Variants in DST observed in about 807,000 individuals in gnomAD.
DST encodes the protein dystonin, also known as bullous pemphigoid antigen.
A neutral mutation model predicts 875.2 loss-of-function variants in DST; 253 were observed. The observed-to-expected ratio is 0.29, with a 90% CI of 0.26 to 0.32. The LOEUF (loss-of-function observed/expected upper bound fraction) is 0.32, where lower values mean the gene tolerates loss of function less well. DST is among the 10% of genes least tolerant of loss of function. The pLI is 1.00. For synonymous variants in DST, 3,124 were observed against 3,197.1 expected (o/e 0.98, Z 0.77); for missense variants, 8,287 against 9,111.6 (o/e 0.91, Z 3.68).
At chr6:56,580,594 A>T (rs1400456908) in intron 49 of DST, among the ~76,000 whole-genome samples, 1 of 151,490 alleles carries the variant, frequency 6.6e-6, no homozygotes, top group African/African-American at 2.4e-5. Context: ...ATTTAAAAAA[A>T]TAAATTTCAT....
At chr6:56,916,474 G>A (rs1349817826) in intron 2 of DST, among the ~76,000 whole-genome samples, 1 of 152,134 alleles carries the variant, frequency 6.6e-6, no homozygotes, top group Non-Finnish European at 1.5e-5. Flanking sequence ...TTCAAGACCT[G>A]GGTGCAGTGG....
intron 3 of DST, chr6:56,851,848 A>G: frequency 6.4e-7 from 1 of 1,551,694 alleles, no homozygotes. Context: ...TCAATACATG[A>G]AGATTTGCAC....
chr6:56,751,589 G>T (rs2099587379), intron 4 of DST, among the ~76,000 whole-genome samples: 1 of 152,078 alleles, frequency 6.6e-6, no homozygotes, highest in Non-Finnish European at 1.5e-5. Context: ...GCAATCCCAG[G>T]TTCAGGCAGC....
intron 69 of DST, among the ~76,000 whole-genome samples, chr6:56,522,547 C>T (rs946575679): frequency 6.6e-6 from 1 of 152,146 alleles, no homozygotes; most frequent in Admixed American, 6.6e-5. Flanking sequence ...TTCCCATCCA[C>T]AACACCTGGA....
intron 3 of DST, among the ~76,000 whole-genome samples, chr6:56,893,378 C>T (rs1463118642): frequency 2.6e-5 from 4 of 151,980 alleles, no homozygotes; most frequent in South Asian, 4.2e-4. Context: ...ATAGATACAC[C>T]ACAGTTTCTT....
intron 85 of DST, among the ~76,000 whole-genome samples, chr6:56,490,557 C>G (rs974232466): frequency 2.0e-5 from 3 of 152,098 alleles, no homozygotes; most frequent in African/African-American, 7.2e-5. Flanking sequence ...CTCTGGAGAT[C>G]ATCTCATTAC....
At chr6:56,488,195 G>A (rs114466635) in intron 86 of DST, among the ~76,000 whole-genome samples, 5,372 of 152,140 alleles carry the variant, frequency 0.035, 290 homozygotes, top group African/African-American at 0.12. Flanking sequence ...GGTATTGACA[G>A]AGATTTTCTT....
At chr6:56,524,602 CTG>C (rs921573844) in intron 69 of DST, among the ~76,000 whole-genome samples, 13 of 152,172 alleles carry the variant, frequency 8.5e-5, no homozygotes, top group African/African-American at 3.1e-4. Flanking sequence ...CTCTAAACAT[CTG>C]TGTGTCTATG....
At chr6:56,615,414 A>G in intron 36 of DST, 1 of 1,573,960 alleles carries the variant, frequency 6.4e-7, no homozygotes, top group Non-Finnish European at 8.6e-7. Flanking sequence ...AGAGTATGTT[A>G]CATAATTCAC....
intron 98 of DST, chr6:56,467,188 C>T (rs1381996784): frequency 1.3e-5 from 2 of 152,152 alleles, no homozygotes; most frequent in African/African-American, 2.4e-5. Flanking sequence ...GTCAATTAAA[C>T]ATAAATGGCT....
chr6:56,826,780 G>C (rs983101836), intron 4 of DST, among the ~76,000 whole-genome samples: 48 of 152,032 alleles, frequency 3.2e-4, no homozygotes, highest in African/African-American at 1.1e-3. Flanking sequence ...ACAATGTCAC[G>C]ATAAATATCT....
chr6:56,672,013 T>C (rs2099104272), intron 9 of DST, among the ~76,000 whole-genome samples: 1 of 152,096 alleles, frequency 6.6e-6, no homozygotes, highest in African/African-American at 2.4e-5. Flanking sequence ...ACTAACAGAC[T>C]ATAAACACAA....
intron 86 of DST, 29 bp downstream of exon 86, chr6:56,489,461 C>T: frequency 1.3e-6 from 2 of 1,598,992 alleles, no homozygotes; most frequent in Non-Finnish European, 8.5e-7. Flanking sequence ...TATAATGAGA[C>T]AATATGCTCT....
At chr6:56,862,732 T>C (rs376769399) in intron 3 of DST, among the ~76,000 whole-genome samples, 2 of 151,968 alleles carry the variant, frequency 1.3e-5, no homozygotes, top group African/African-American at 4.8e-5. Flanking sequence ...ATCATTGAAA[T>C]TGGGGGGGAA....
At chr6:56,507,828 G>C (rs1271460695) in intron 75 of DST, among the ~76,000 whole-genome samples, 1 of 152,074 alleles carries the variant, frequency 6.6e-6, no homozygotes, top group Non-Finnish European at 1.5e-5. Flanking sequence ...CAGATGGCAG[G>C]GGATGCCTCT....
chr6:56,476,050 A>T (rs1465823983), intron 92 of DST, 99 bp downstream of exon 92: 1 of 1,108,616 alleles, frequency 9.0e-7, no homozygotes, highest in Non-Finnish European at 1.3e-6. Flanking sequence ...AAGAAGTGAA[A>T]ATAACGAGAA....
intron 3 of DST, among the ~76,000 whole-genome samples, chr6:56,858,634 T>C (rs1726727835): frequency 6.6e-6 from 1 of 152,206 alleles, no homozygotes; most frequent in Non-Finnish European, 1.5e-5. Context: ...TCATGAATAA[T>C]GCTGCAATGA....
At chr6:56,603,453 AT>A in intron 41 of DST, 33 bp from the exon 42 acceptor site, 1 of 1,600,348 alleles carries the variant, frequency 6.2e-7, no homozygotes, top group African/African-American at 1.3e-5. Context: ...CCTATTTACT[AT>A]TTAGTGAAAA....
At chr6:56,614,966 C>T (rs997337216) in intron 36 of DST, 2 of 993,160 alleles carry the variant, frequency 2.0e-6, no homozygotes, top group Non-Finnish European at 2.4e-6. Context: ...AGTGCGAAGA[C>T]TTAACTAGAA....
Sources: allele counts gnomAD v4.1 joint callset (sites outside exome capture counted in the v4.1 genomes callset), GRCh38; gene constraint gnomAD v4.1.1; transcripts MANE v1.5; gene names NCBI Gene and HGNC (gene_info 2026-07-23, HGNC 2026-07-21).